GTF3C5: variants seen among roughly 807,000 people sequenced by gnomAD.
GTF3C5 encodes general transcription factor IIIC subunit 5, also known as general transcription factor 3C polypeptide 5.
A neutral mutation model predicts 61.0 loss-of-function variants in GTF3C5; 47 were observed. That is an observed-to-expected ratio of 0.77 (90% CI 0.61 to 0.98). The LOEUF is 0.98. Ranked by LOEUF, GTF3C5 falls within the 50% of genes least tolerant of loss-of-function variation. The pLI, the probability that GTF3C5 is intolerant of heterozygous loss-of-function variation, is 0.00. For missense variants in GTF3C5, 659 were observed against 703.3 expected (o/e 0.94, Z 0.71); for synonymous variants, 295 against 275.4 (o/e 1.07, Z -0.71).
intron 1 of GTF3C5, among the ~76,000 whole-genome samples, chr9:133,035,510 T>G (rs1396207463): frequency 6.6e-6 from 1 of 152,206 alleles, no homozygotes; most frequent in Admixed American, 6.5e-5. Context: ...CCCCAGTGAA[T>G]TCCTTGATGC....
At chr9:133,046,752 A>G (rs1485737647) in intron 3 of GTF3C5, among the ~76,000 whole-genome samples, 7 of 152,258 alleles carry the variant, frequency 4.6e-5, no homozygotes, top group African/African-American at 1.7e-4. Context: ...GGCCGGGGCT[A>G]CAGGTAGCAG....
At chr9:133,044,633 A>T (rs971335478) in intron 3 of GTF3C5, among the ~76,000 whole-genome samples, 2 of 151,752 alleles carry the variant, frequency 1.3e-5, no homozygotes, top group African/African-American at 4.8e-5. Context: ...CCAGCTGTTT[A>T]CCCTTTCCTG....
At chr9:133,031,341 T>C (rs979849260) in intron 1 of GTF3C5, among the ~76,000 whole-genome samples, 177 bp downstream of exon 1, 2 of 151,868 alleles carry the variant, frequency 1.3e-5, no homozygotes, top group Non-Finnish European at 2.9e-5. Flanking sequence ...GGATTTTTGT[T>C]TTTGTTTTTG....
At position 133,039,000 on chromosome 9, in the gene GTF3C5, G is replaced by A. The variant is rs564777227; in HGVS notation, c.154-3087G>A. Among the ~76,000 whole-genome samples the A allele has an allele frequency of 1.8e-4, 27 of 152,312 alleles. No homozygotes were observed. In the South Asian group the frequency reaches 2.1e-3, roughly 12 times the overall value. ...TTATTCTCTGCCACGTACGGCTCTA[G>A]GTGCCTTACTTAGAGTCCGTCCTCT... On this transcript the variant is annotated intron_variant, in intron 1 of 10. Coordinates refer to ENST00000372097, the MANE Select transcript of GTF3C5 (RefSeq NM_012087.4).
In GTF3C5 at chr9:133,043,729, G is replaced by A; in HGVS notation, c.375G>A (p.Gly125=). 6.2e-7 allele frequency: 1 copy of A among 1,613,808 alleles called. No homozygotes were observed. Among genetic ancestry groups the A allele is most frequent in the Non-Finnish European group, 8.5e-7 (1 of 1,179,742 alleles). ...GIISTIYKFQ[G]MSDFQYLAVH... ...CCATCTGCCCACCTCTCTTTCTAGG[G>A]ATGTCTGACTTCCAGTACTTGGCTG... The change falls in exon 3 of 11, where the codon GGG becomes GGA. Residue 125 remains glycine, a splice_region_variant and synonymous_variant. Coordinates refer to ENST00000372097, the MANE Select transcript of GTF3C5 (RefSeq NM_012087.4).
intron 3 of GTF3C5, among the ~76,000 whole-genome samples, chr9:133,049,071 G>C (rs554421125): frequency 5.1e-4 from 77 of 152,312 alleles, no homozygotes; most frequent in African/African-American, 1.8e-3. Context: ...AGGATGGTGG[G>C]TCCCTCCTGT....
chr9:133,037,842 C>A (rs991780371), intron 1 of GTF3C5, among the ~76,000 whole-genome samples: 1 of 152,202 alleles, frequency 6.6e-6, no homozygotes, highest in Non-Finnish European at 1.5e-5. Flanking sequence ...CGGAAGGGAA[C>A]AAACAGAAGA....
Position 133,042,140 on chromosome 9 carries a change from A to G in GTF3C5, c.207A>G (p.Pro69=), listed in dbSNP as rs755257461. 5 of 1,614,014 alleles carry G rather than the reference A, an allele frequency of 3.1e-6. No homozygotes were observed. In the Admixed American group the frequency reaches 5.0e-5, roughly 16 times the overall value. Residue 69 remains proline, a synonymous_variant, in exon 2 of 11, where the codon CCA becomes CCG. Coordinates refer to ENST00000372097, the MANE Select transcript of GTF3C5 (RefSeq NM_012087.4). ...RLELYFRPKD[P]YCHPVCANRF... is the part of the protein sequence containing the mutation. The stretch of plus-strand genomic sequence containing the variant: ...AGCTGTACTTCCGGCCCAAGGACCC[A>G]TACTGCCACCCAGTGTGCGCCAACC...
intron 3 of GTF3C5, among the ~76,000 whole-genome samples, chr9:133,048,911 G>A (rs1272208898): frequency 6.6e-6 from 1 of 152,216 alleles, no homozygotes; most frequent in South Asian, 2.1e-4. Context: ...CGATTCTCCT[G>A]CCCTGCTCAC....
chr9:133,042,733 G>T (rs1173643947), intron 2 of GTF3C5, among the ~76,000 whole-genome samples: 1 of 152,124 alleles, frequency 6.6e-6, no homozygotes, highest in Admixed American at 6.6e-5. Flanking sequence ...AACGTCCCTC[G>T]TGGAGCCCTC....
intron 2 of GTF3C5, 27 bp downstream of exon 2, chr9:133,042,333 C>G (rs747570025): frequency 6.9e-7 from 1 of 1,453,874 alleles, no homozygotes; most frequent in African/African-American, 1.4e-5. Flanking sequence ...CTTGCAATGT[C>G]TGGTTATTTC....
At chr9:133,035,755 G>A (rs933172687) in intron 1 of GTF3C5, among the ~76,000 whole-genome samples, 4 of 152,164 alleles carry the variant, frequency 2.6e-5, no homozygotes, top group African/African-American at 7.2e-5. Context: ...TTATTACCTC[G>A]ACTTTCACAA....
chr9:133,033,185 C>T (rs1849774908), intron 1 of GTF3C5, among the ~76,000 whole-genome samples: 1 of 152,088 alleles, frequency 6.6e-6, no homozygotes, highest in African/African-American at 2.4e-5. Context: ...TGATTACAAG[C>T]CTTAAATTCA....
At chr9:133,052,346 C>T (rs970188519) in intron 5 of GTF3C5, among the ~76,000 whole-genome samples, 182 bp downstream of exon 5, 1 of 149,128 alleles carries the variant, frequency 6.7e-6, no homozygotes, top group Admixed American at 6.7e-5. Context: ...CCTCATCCTT[C>T]CTGCCCTGCC....
intron 5 of GTF3C5, among the ~76,000 whole-genome samples, chr9:133,053,270 CTA>C (rs771383277): frequency 2.0e-5 from 3 of 152,144 alleles, no homozygotes; most frequent in Non-Finnish European, 4.4e-5. Flanking sequence ...TCCACGGGCG[CTA>C]TCTCATTTAA....
At chr9:133,055,731 C>A in intron 8 of GTF3C5, 1 of 1,295,986 alleles carries the variant, frequency 7.7e-7, no homozygotes, top group Non-Finnish European at 9.9e-7. Context: ...GTGCCAGCCC[C>A]ATGCCATGGG....
chr9:133,038,874 G>A (rs1416154844), intron 1 of GTF3C5, among the ~76,000 whole-genome samples: 4 of 152,136 alleles, frequency 2.6e-5, no homozygotes, highest in East Asian at 3.9e-4. Context: ...CTCATTACCC[G>A]GGGTAGAAAA....
intron 5 of GTF3C5, among the ~76,000 whole-genome samples, chr9:133,053,221 A>G (rs1357415050): frequency 6.6e-6 from 1 of 152,156 alleles, no homozygotes; most frequent in Non-Finnish European, 1.5e-5. Context: ...CAGTAGTAAC[A>G]TTGGGCACTT....
intron 3 of GTF3C5, 135 bp from the exon 4 acceptor site, chr9:133,050,648 C>A: frequency 1.6e-6 from 1 of 635,860 alleles, no homozygotes; most frequent in South Asian, 2.0e-5. Flanking sequence ...GGTCCTTTCC[C>A]AGCACAGATG....
Sources: allele counts gnomAD v4.1 joint callset (sites outside exome capture counted in the v4.1 genomes callset), GRCh38; gene constraint gnomAD v4.1.1; transcripts MANE v1.5; gene names NCBI Gene and HGNC (gene_info 2026-07-23, HGNC 2026-07-21).